ENPP3: variants seen among roughly 807,000 people sequenced by gnomAD.
The protein encoded by ENPP3 is ectonucleotide pyrophosphatase/phosphodiesterase family member 3.
Under a neutral mutation model 117.8 loss-of-function variants are expected in ENPP3, and 104 were observed. The observed-to-expected ratio is 0.88, with a 90% CI of 0.75 to 1.04. The LOEUF is 1.04. Ranked by LOEUF, ENPP3 falls within the 50% of genes least tolerant of loss-of-function variation. The pLI is 0.00. For synonymous variants in ENPP3, 380 were observed against 349.9 expected (o/e 1.09, Z -0.96); for missense variants, 1,026 against 1,051.9 (o/e 0.98, Z 0.34).
At chr6:131,719,422 T>A (rs3861466) in intron 16 of ENPP3, among the ~76,000 whole-genome samples, 3 of 71,234 alleles carry the variant, frequency 4.2e-5, no homozygotes, top group South Asian at 4.7e-4. Flanking sequence ...CACACACACA[T>A]TCCTTTCCAA....
chr6:131,650,778 C>T (rs1360603498), intron 3 of ENPP3, among the ~76,000 whole-genome samples: 1 of 152,138 alleles, frequency 6.6e-6, no homozygotes, highest in Non-Finnish European at 1.5e-5. Flanking sequence ...CCAGGCTCTG[C>T]CTTCATCTTC....
chr6:131,681,998 A>G (rs1779032499), intron 11 of ENPP3, among the ~76,000 whole-genome samples: 1 of 151,758 alleles, frequency 6.6e-6, no homozygotes. Context: ...ACGCCCAACT[A>G]ATTTTTGCAT....
chr6:131,689,377 T>C (rs751007793), intron 14 of ENPP3, among the ~76,000 whole-genome samples: 1 of 152,112 alleles, frequency 6.6e-6, no homozygotes, highest in Non-Finnish European at 1.5e-5. Context: ...ATTGAGCCAA[T>C]GTTCATTCTG....
chr6:131,674,204 T>C lies in ENPP3; in HGVS notation c.685T>C (p.Tyr229His), dbSNP rs1235191507. 1.3e-6 allele frequency: 2 copies of C among 1,579,888 alleles called. No homozygotes were observed. ...ACATGGCATCATTGACAATAATATG[T>C]ATGATGTAAATCTCAACAAGAATTT... ...ESHGIIDNNM[Y>H]DVNLNKNFSL... Residue 229 changes from tyrosine to histidine, a missense_variant, in exon 8 of 25, where the codon TAT (tyrosine) becomes CAT (histidine). Tyr to His is a moderately conservative substitution (Grantham distance 83, BLOSUM62 2). Transcript: ENST00000357639.
At chr6:131,719,434 T>C (rs955390490) in intron 16 of ENPP3, among the ~76,000 whole-genome samples, 29 of 148,170 alleles carry the variant, frequency 2.0e-4, no homozygotes, top group African/African-American at 6.8e-4. Context: ...CCTTTCCAAA[T>C]AGAAAAAAAA....
chr6:131,676,286 T>G (rs1013630263), intron 9 of ENPP3, among the ~76,000 whole-genome samples: 1 of 152,126 alleles, frequency 6.6e-6, no homozygotes, highest in African/African-American at 2.4e-5. Flanking sequence ...TTTATCACCT[T>G]TTAATACGCT....
intron 16 of ENPP3, among the ~76,000 whole-genome samples, chr6:131,719,637 ATG>A: frequency 6.6e-6 from 1 of 152,264 alleles, no homozygotes; most frequent in South Asian, 2.1e-4. Context: ...GTCTTAATAT[ATG>A]TATGTATATA....
rs1780654809 is a variant in ENPP3 at position 131,747,166 on chromosome 6, T to G, written c.*210T>G. 3.0e-6 allele frequency: 1 copy of G among 328,088 alleles called. No homozygotes were observed. The highest frequency in any genetic ancestry group is 5.4e-6 in the Non-Finnish European group (1 of 185,438). 20.3% of individuals were successfully genotyped at this position (328,088 alleles called of 1,614,324 possible). A position where few individuals can be genotyped will look rare whatever the true frequency, so the allele number is the denominator to read the frequency against. On this transcript the variant is annotated 3_prime_UTR_variant, in exon 25 of 25. Coordinates refer to ENST00000357639, the MANE Select transcript of ENPP3 (RefSeq NM_005021.5). ...TATATTTTTCACACAGAGATGATGC[T>G]ATATTACACCTTCCCTTTTTTGTTG...
intron 24 of ENPP3, 26 bp from the exon 25 acceptor site, chr6:131,746,760 A>C: frequency 6.3e-7 from 1 of 1,581,390 alleles, no homozygotes; most frequent in African/African-American, 1.4e-5. Flanking sequence ...TTGTGAAAAA[A>C]AAAGTGTTGT....
At position 131,740,700 on chromosome 6, in the gene ENPP3, A is replaced by G. The variant is rs191163180; in HGVS notation, c.2457+320A>G. 1.2e-3 allele frequency among the ~76,000 whole-genome samples: 176 copies of G among 152,182 alleles called. 1 individual carries two copies. Among genetic ancestry groups the G allele is most frequent in the East Asian group, 7.7e-4 (4 of 5,182 alleles). The stretch of plus-strand genomic sequence containing the variant: ...TTCTTTTTTTATTTATAACATGACA[A>G]TTGTATGTATTTATGAGGATAGTGA... On this transcript the variant is annotated intron_variant, in intron 24 of 24. Coordinates refer to ENST00000357639, the MANE Select transcript of ENPP3 (RefSeq NM_005021.5).
intron 15 of ENPP3, among the ~76,000 whole-genome samples, chr6:131,707,068 T>A (rs1240640228): frequency 1.1e-5 from 1 of 94,766 alleles, no homozygotes; most frequent in African/African-American, 7.7e-5. Flanking sequence ...TAAGCATAAA[T>A]ATTTATTTAT....
chr6:131,644,393 T>G (rs756241225), intron 2 of ENPP3, among the ~76,000 whole-genome samples: 1 of 152,228 alleles, frequency 6.6e-6, no homozygotes, highest in Non-Finnish European at 1.5e-5. Context: ...TCCAATAATC[T>G]GGGTAAGCCT....
chr6:131,720,840 G>C (rs1388869448), intron 17 of ENPP3, among the ~76,000 whole-genome samples: 1 of 152,024 alleles, frequency 6.6e-6, no homozygotes, highest in Non-Finnish European at 1.5e-5. Context: ...CCACCTTGGC[G>C]TCTCAAAGTG....
At position 131,650,059 on chromosome 6, in the gene ENPP3, T is replaced by C. The variant is rs760073005; in HGVS notation, c.187T>C (p.Phe63Leu). ...CAGGAAGAAGTGCTTTGATGCATCA[T>C]TTAGAGGACTGGAGAACTGCCGGTG... The part of the protein sequence containing the change: ...SCRKKCFDAS[F>L]RGLENCRCDV... Residue 63 changes from phenylalanine (F) to leucine (L), a missense_variant, in exon 3 of 25, where the codon TTT becomes CTT. By Grantham distance (22) the Phe-to-Leu change is conservative (BLOSUM62 0). Transcript: ENST00000357639. 5.0e-5 allele frequency: 80 copies of C among 1,613,924 alleles called. No individual in the cohort carries two copies. Among genetic ancestry groups the C allele is most frequent in the Non-Finnish European group, 6.8e-5 (80 of 1,179,986 alleles).
chr6:131,729,018 A>C (rs1413232357), intron 20 of ENPP3, among the ~76,000 whole-genome samples: 2 of 152,136 alleles, frequency 1.3e-5, no homozygotes, highest in Non-Finnish European at 2.9e-5. Flanking sequence ...TCAGAGTAGA[A>C]ATCTAGTGTA....
At chr6:131,689,191 G>A (rs1779224558) in intron 14 of ENPP3, among the ~76,000 whole-genome samples, 1 of 152,200 alleles carries the variant, frequency 6.6e-6, no homozygotes, top group Admixed American at 6.5e-5. Flanking sequence ...TAAGATCATT[G>A]ATGAAAATGG....
chr6:131,718,704 A>G lies in ENPP3; in HGVS notation c.1445A>G (p.Asn482Ser), dbSNP rs763503369. ...SKSNTNCGGGNHGYNNEFRSM... is the reference protein window; with the variant it reads ...SKSNTNCGGGSHGYNNEFRSM... ...TCAAATACAAATTGTGGAGGAGGCA[A>G]CCATGGTTATAACAATGAGTTTAGG... is the stretch of plus-strand genomic sequence containing the variant. Residue 482 changes from asparagine to serine, a missense_variant, in exon 16 of 25, where the codon AAC (asparagine) becomes AGC (serine). By Grantham distance (46) the Asn-to-Ser change is conservative. Transcript: ENST00000357639. 6.2e-7 allele frequency: 1 copy of G among 1,606,110 alleles called. No homozygotes were observed. The highest frequency in any genetic ancestry group is 8.5e-7 in the Non-Finnish European group (1 of 1,174,454).
At chr6:131,695,556 A>G (rs535548667) in intron 15 of ENPP3, among the ~76,000 whole-genome samples, 2 of 152,338 alleles carry the variant, frequency 1.3e-5, no homozygotes, top group South Asian at 4.1e-4. Context: ...TGCCATTAAC[A>G]TACAAAGTAA....
At chr6:131,644,354 A>G (rs931390661) in intron 2 of ENPP3, among the ~76,000 whole-genome samples, 15 of 152,212 alleles carry the variant, frequency 9.9e-5, no homozygotes, top group African/African-American at 3.6e-4. Flanking sequence ...GAGTGAGAGC[A>G]GAAGTAGAGA....
Sources: gnomAD v4.1 joint callset for allele counts (sites outside exome capture counted in the v4.1 genomes callset) on GRCh38, gnomAD v4.1.1 for gene constraint, MANE v1.5 for transcripts, NCBI Gene and HGNC (gene_info 2026-07-23, HGNC 2026-07-21) for gene names.